The following TRIM2 variants were observed in gnomAD, a reference collection of about 807,000 sequenced individuals.
TRIM2 encodes tripartite motif containing 2.
In TRIM2, 20 loss-of-function variants were observed where a neutral mutation model predicts 75.2. The observed-to-expected ratio is 0.27, with a 90% confidence interval of 0.19 to 0.39. The LOEUF is 0.39. Ranked by LOEUF, TRIM2 falls within the 10% of genes least tolerant of loss-of-function variation. The pLI, the probability that TRIM2 is intolerant of heterozygous loss-of-function variation, is 1.00. For synonymous variants in TRIM2, 373 were observed against 388.3 expected, an observed-to-expected ratio of 0.96 and a Z score of 0.46; for missense variants, 660 against 990.8, an observed-to-expected ratio of 0.67 and a Z score of 4.48.
rs1353685747 is a variant in TRIM2 at position 153,295,916 on chromosome 4, C to T, written c.1390C>T (p.Arg464Cys). The change falls in exon 6 of 12, where the codon CGC becomes TGC. Residue 464 changes from arginine to cysteine, a missense_variant. Coordinates refer to ENST00000338700, the MANE Select transcript of TRIM2 (RefSeq NM_015271.5). This position sits in a 1 kb window ranked among gnomAD's most constrained non-coding sequence, Gnocchi z 7.2. ...VSPTTEGVKRRVKSPGSGHVK... is the reference protein window; with the variant it reads ...VSPTTEGVKRCVKSPGSGHVK... ...TCCCACCACAGAAGGCGTGAAGAGGCGCGTTAAGTCCCCGGGGAGCGGCCA... is the reference window on the plus strand; with the variant it reads ...TCCCACCACAGAAGGCGTGAAGAGGTGCGTTAAGTCCCCGGGGAGCGGCCA... 8 of 1,608,774 alleles carry T rather than the reference C, an allele frequency of 5.0e-6. No homozygotes were observed. The highest frequency in any genetic ancestry group is 1.7e-4 in the Middle Eastern group (1 of 6,016).
At chr4:153,195,642 T>C (rs1733690362) in intron 1 of TRIM2, among the ~76,000 whole-genome samples, 1 of 152,250 alleles carries the variant, frequency 6.6e-6, no homozygotes, top group South Asian at 2.1e-4. Flanking sequence ...TAATATGTTA[T>C]GGCAGCTCAG....
intron 8 of TRIM2, among the ~76,000 whole-genome samples, chr4:153,318,753 T>G (rs1003157828): frequency 1.3e-5 from 2 of 152,240 alleles, no homozygotes; most frequent in African/African-American, 4.8e-5. Flanking sequence ...GAGTTTTATG[T>G]CTAAGGAAGA....
Position 153,271,000 on chromosome 4 carries a change from G to A in TRIM2, c.215+481G>A, listed in dbSNP as rs554773310. On this transcript the variant is annotated intron_variant, in intron 2 of 11. Transcript: ENST00000338700. ...TAATGTCACATTTGAATGCTATGATGTTTTAGATAAAGAAAAAATATATAT... is the reference window on the plus strand; with the variant it reads ...TAATGTCACATTTGAATGCTATGATATTTTAGATAAAGAAAAAATATATAT... Among the ~76,000 whole-genome samples the A allele has an allele frequency of 1.1e-4, 17 of 152,222 alleles. No homozygotes were observed. In the South Asian group the frequency reaches 3.3e-3, roughly 30 times the overall value.
chr4:153,308,939 C>A (rs1765631490), intron 6 of TRIM2, among the ~76,000 whole-genome samples: 1 of 152,126 alleles, frequency 6.6e-6, no homozygotes, highest in African/African-American at 2.4e-5. Flanking sequence ...ATTATAGGAC[C>A]TTCACCCCAT....
At chr4:153,193,894 T>A (rs1425117775) in intron 1 of TRIM2, among the ~76,000 whole-genome samples, 1 of 151,964 alleles carries the variant, frequency 6.6e-6, no homozygotes, top group Non-Finnish European at 1.5e-5. Flanking sequence ...GACTCAGAAG[T>A]GGCAAAAGAA....
chr4:153,257,095 AG>A (rs1365589677), intron 1 of TRIM2, among the ~76,000 whole-genome samples: 1 of 152,172 alleles, frequency 6.6e-6, no homozygotes, highest in African/African-American at 2.4e-5. Flanking sequence ...GTTTCTTCCT[AG>A]AATCTATTCT....
chr4:153,219,951 T>C (rs1026300187), intron 1 of TRIM2, among the ~76,000 whole-genome samples: 2 of 152,214 alleles, frequency 1.3e-5, no homozygotes, highest in Non-Finnish European at 2.9e-5. Context: ...TTAATACACA[T>C]TTATTGTAAT....
intron 1 of TRIM2, among the ~76,000 whole-genome samples, chr4:153,239,074 C>T (rs1020961936): frequency 6.6e-6 from 1 of 152,112 alleles, no homozygotes; most frequent in Admixed American, 6.5e-5. Flanking sequence ...CTCTGGCGGC[C>T]GGGCGTGGTG....
chr4:153,266,344 G>GTTTTT (rs768231926), intron 1 of TRIM2, among the ~76,000 whole-genome samples: 13 of 120,028 alleles, frequency 1.1e-4, no homozygotes, highest in Admixed American at 4.5e-4. Flanking sequence ...TAATTTTTGG[G>GTTTTT]TTTTTTTTTT....
chr4:153,160,619 G>A (rs1729649897), intron 1 of TRIM2, among the ~76,000 whole-genome samples: 1 of 152,000 alleles, frequency 6.6e-6, no homozygotes, highest in East Asian at 1.9e-4. Context: ...TTGGAGACAA[G>A]GTTCCCACCC....
At chr4:153,296,066 T>A in intron 6 of TRIM2, 30 bp downstream of exon 6, 2 of 1,511,974 alleles carry the variant, frequency 1.3e-6, no homozygotes, top group Non-Finnish European at 1.8e-6. Context: ...GCCCGACGCC[T>A]GAGCTGGCAC....
chr4:153,161,326 G>A (rs1048714658), intron 1 of TRIM2, among the ~76,000 whole-genome samples: 6 of 152,296 alleles, frequency 3.9e-5, no homozygotes, highest in East Asian at 1.9e-4. Context: ...TGAATTGAAC[G>A]TACGTGCTAT....
intron 1 of TRIM2, among the ~76,000 whole-genome samples, chr4:153,210,880 G>A (rs1361144820): frequency 6.6e-6 from 1 of 152,178 alleles, no homozygotes; most frequent in African/African-American, 2.4e-5. Flanking sequence ...TTGGAACTGT[G>A]ACAAGGAAGG....
Position 153,335,586 on chromosome 4 carries a change from G to A in TRIM2, c.*620G>A, listed in dbSNP as rs1247392444. 8.1e-6 allele frequency: 8 copies of A among 985,226 alleles called. No homozygotes were observed. The highest frequency in any genetic ancestry group is 1.2e-4 in the Admixed American group (2 of 16,258). The allele number at this position is 985,226 out of a possible 1,614,324, so 61.0% of individuals were successfully genotyped here. A position where few individuals can be genotyped will look rare whatever the true frequency, so the allele number is the denominator to read the frequency against. ...CAGTGCAAATTTCTCAACCTTTCTGGGTTAGACAAAGATCCTTTTTTGTGT... is the reference window on the plus strand; with the variant it reads ...CAGTGCAAATTTCTCAACCTTTCTGAGTTAGACAAAGATCCTTTTTTGTGT... On this transcript the variant is annotated 3_prime_UTR_variant, in exon 12 of 12. Transcript: ENST00000338700.
intron 1 of TRIM2, among the ~76,000 whole-genome samples, chr4:153,171,609 A>AT (rs1380017010): frequency 1.3e-5 from 2 of 148,288 alleles, no homozygotes; most frequent in African/African-American, 2.5e-5. Context: ...AAAACAAAAA[A>AT]ATATATATAT....
chr4:153,258,205 C>G (rs1410864827), intron 1 of TRIM2, among the ~76,000 whole-genome samples: 1 of 152,146 alleles, frequency 6.6e-6, no homozygotes, highest in African/African-American at 2.4e-5. Flanking sequence ...AGTTCCATGG[C>G]TGGCAGTTAC....
At chr4:153,326,431 G>A (rs929863003) in intron 10 of TRIM2, among the ~76,000 whole-genome samples, 23 of 152,096 alleles carry the variant, frequency 1.5e-4, no homozygotes, top group African/African-American at 5.6e-4. Flanking sequence ...GAATACTTGG[G>A]TTTTTCTTCC....
At chr4:153,179,519 C>T (rs1362634035) in intron 1 of TRIM2, among the ~76,000 whole-genome samples, 2 of 152,110 alleles carry the variant, frequency 1.3e-5, no homozygotes, top group Non-Finnish European at 2.9e-5. Context: ...AGGAGCCTCC[C>T]TTGGAAAATG....
chr4:153,164,609 G>A (rs1214635082), intron 1 of TRIM2, among the ~76,000 whole-genome samples: 7 of 152,050 alleles, frequency 4.6e-5, no homozygotes, highest in East Asian at 3.9e-4. Context: ...CCAGCCTCCC[G>A]AATTTTCTTT....
Sources: allele counts gnomAD v4.1 joint callset (sites outside exome capture counted in the v4.1 genomes callset), GRCh38; gene constraint gnomAD v4.1.1; non-coding constraint Gnocchi (gnomAD v3.1); transcripts MANE v1.5; gene names NCBI Gene and HGNC (gene_info 2026-07-23, HGNC 2026-07-21).